The following GABRA3 variants were observed in gnomAD, a reference collection of about 807,000 sequenced individuals.
GABRA3 encodes gamma-aminobutyric acid type A receptor subunit alpha3.
A neutral mutation model predicts 30.1 loss-of-function variants in GABRA3; 10 were observed. That is an observed-to-expected ratio of 0.33 (90% CI 0.20 to 0.56). GABRA3 has a LOEUF of 0.56. Ranked by LOEUF, GABRA3 falls within the 20% of genes least tolerant of loss-of-function variation. The pLI, the probability that GABRA3 is intolerant of heterozygous loss-of-function variation, is 0.89. For missense variants in GABRA3, 233 were observed against 392.0 expected (o/e 0.59, Z 3.42); for synonymous variants, 151 against 146.8 (o/e 1.03, Z -0.21).
At chrX:152,227,432 A>T (rs895197918) in intron 5 of GABRA3, among the ~76,000 whole-genome samples, 1 of 103,836 alleles carries the variant, frequency 9.6e-6, no homozygotes, top group African/African-American at 3.5e-5. Context: ...AACTAATGCT[A>T]GATGACGAGT....
chrX:152,409,822 AAG>A (rs770165505), intron 1 of GABRA3, among the ~76,000 whole-genome samples: 6 of 112,089 alleles, frequency 5.4e-5, no homozygotes, highest in Non-Finnish European at 1.1e-4. Context: ...AAAAAATAAA[AAG>A]AGAACTATCG....
At chrX:152,207,207 A>G (rs1937558763) in intron 7 of GABRA3, among the ~76,000 whole-genome samples, 2 of 112,050 alleles carry the variant, frequency 1.8e-5, no homozygotes, top group Non-Finnish European at 1.9e-5. Context: ...ATAAAAGGAC[A>G]TGTATAATTG....
At chrX:152,185,424 T>C (rs1447747805) in intron 9 of GABRA3, among the ~76,000 whole-genome samples, 1 of 111,781 alleles carries the variant, frequency 8.9e-6, no homozygotes, top group Non-Finnish European at 1.9e-5. Flanking sequence ...AATGGAGAAA[T>C]GGTCATCATT....
At chrX:152,223,202 T>G (rs528940072) in intron 6 of GABRA3, among the ~76,000 whole-genome samples, 2 of 111,040 alleles carry the variant, frequency 1.8e-5, no homozygotes, top group South Asian at 3.8e-4. Context: ...CTCCAGAATT[T>G]TAGACACTTC....
chrX:152,265,048 C>A (rs1938799234), intron 4 of GABRA3, among the ~76,000 whole-genome samples: 1 of 111,274 alleles, frequency 9.0e-6, no homozygotes. Flanking sequence ...GCAATGATGG[C>A]TGGAGAATTC....
chrX:152,427,797 G>A (rs1387187054), intron 1 of GABRA3, among the ~76,000 whole-genome samples: 1 of 111,325 alleles, frequency 9.0e-6, no homozygotes, highest in Non-Finnish European at 1.9e-5. Context: ...AGAAAACAAC[G>A]AATGCCCAAG....
chrX:152,432,631 C>T (rs1423861141), intron 1 of GABRA3, among the ~76,000 whole-genome samples: 2 of 110,922 alleles, frequency 1.8e-5, no homozygotes, highest in Non-Finnish European at 3.8e-5. Flanking sequence ...TCCTAACACT[C>T]TGCATACAAT....
intron 3 of GABRA3, among the ~76,000 whole-genome samples, chrX:152,302,311 T>C (rs952999393): frequency 6.4e-5 from 7 of 110,201 alleles, no homozygotes; most frequent in African/African-American, 2.3e-4. Context: ...ACTTTAAATA[T>C]AAGGGTATAA....
intron 6 of GABRA3, among the ~76,000 whole-genome samples, chrX:152,220,863 G>GT (rs1937821634): frequency 9.0e-6 from 1 of 110,504 alleles, no homozygotes; most frequent in African/African-American, 3.3e-5. Context: ...GTGCATGTGC[G>GT]TGTGTGTGCC....
chrX:152,323,216 T>C (rs1002843152), intron 3 of GABRA3, among the ~76,000 whole-genome samples: 1 of 111,610 alleles, frequency 9.0e-6, no homozygotes. Context: ...ACCGAATTCT[T>C]TGGAGTGGGA....
intron 5 of GABRA3, among the ~76,000 whole-genome samples, chrX:152,240,741 C>T (rs1938343590): frequency 1.0e-5 from 1 of 100,319 alleles, no homozygotes; most frequent in African/African-American, 4.0e-5. Flanking sequence ...TCATTTCATT[C>T]ATTTCATCTT....
chrX:152,278,897 A>C (rs762865590), intron 4 of GABRA3, among the ~76,000 whole-genome samples: 3 of 112,212 alleles, frequency 2.7e-5, no homozygotes, highest in African/African-American at 9.7e-5. Context: ...TTTTGGCTGC[A>C]TAAATGTCTT....
chrX:152,345,693 A>T lies in GABRA3; in HGVS notation c.150T>A (p.Pro50=). The T allele has an allele frequency of 2.5e-6, 3 of 1,192,976 alleles. No homozygotes were observed. The highest frequency in any genetic ancestry group is 3.4e-6 in the Non-Finnish European group (3 of 889,554). Residue 50 remains proline (P), a synonymous_variant, in exon 3 of 10, where the codon CCT becomes CCA. Coordinates refer to ENST00000370314, the MANE Select transcript of GABRA3 (RefSeq NM_000808.4). Reference sequence around the variant, plus strand: ...CATCAGGAATATCTGGGGCATGCTTAGGAGACAGCCTGAGGCAATGCAAGG... The same window carrying T: ...CATCAGGAATATCTGGGGCATGCTTTGGAGACAGCCTGAGGCAATGCAAGG... ...FVKQDIGGLS[P]KHAPDIPDDS... is the part of the protein sequence containing the mutation.
At chrX:152,208,203 G>C in intron 6 of GABRA3, 59 bp from the exon 7 acceptor site, 1 of 1,114,667 alleles carries the variant, frequency 9.0e-7, no homozygotes, top group Non-Finnish European at 1.2e-6. Context: ...GATTACCCTT[G>C]ATACTAAACT....
rs762636665 is a variant in GABRA3, at chrX:152,207,990, A to C, written c.778+11T>G. On this transcript the variant is annotated intron_variant, in intron 7 of 9. Transcript: ENST00000370314. ...TACAGAAATGTTTGTTAAATAAAATAAGTTAAATACCTGTACTAGACCGGA... is the reference window on the plus strand; with the variant it reads ...TACAGAAATGTTTGTTAAATAAAATCAGTTAAATACCTGTACTAGACCGGA... 2 of 1,202,517 alleles carry C rather than the reference A, an allele frequency of 1.7e-6. No individual in the cohort carries two copies. The highest frequency in any genetic ancestry group is 3.6e-5 in the South Asian group (2 of 55,546).
At chrX:152,273,669 T>C (rs1938989658) in intron 4 of GABRA3, among the ~76,000 whole-genome samples, 1 of 112,136 alleles carries the variant, frequency 8.9e-6, no homozygotes, top group Admixed American at 9.5e-5. Flanking sequence ...CATTACGTTA[T>C]GTAAAATAAG....
chrX:152,338,756 C>T (rs1418179308), intron 3 of GABRA3, among the ~76,000 whole-genome samples: 2 of 111,838 alleles, frequency 1.8e-5, no homozygotes, highest in East Asian at 5.6e-4. Flanking sequence ...TATAATTATC[C>T]AGTTTTCCCA....
At chrX:152,363,345 C>T (rs892349324) in intron 2 of GABRA3, among the ~76,000 whole-genome samples, 4 of 111,836 alleles carry the variant, frequency 3.6e-5, no homozygotes, top group Non-Finnish European at 7.5e-5. Context: ...TCTCGGATCC[C>T]TTTACTGGGC....
chrX:152,434,633 CA>C (rs748358390), intron 1 of GABRA3, among the ~76,000 whole-genome samples: 2 of 109,905 alleles, frequency 1.8e-5, no homozygotes, highest in East Asian at 2.9e-4. Context: ...AATGCAGACA[CA>C]AAAAAAACTG....
Sources: gnomAD v4.1 joint callset for allele counts (sites outside exome capture counted in the v4.1 genomes callset) on GRCh38, gnomAD v4.1.1 for gene constraint, MANE v1.5 for transcripts, NCBI Gene and HGNC (gene_info 2026-07-23, HGNC 2026-07-21) for gene names.